Variants in ZC3H4 observed in about 807,000 individuals in gnomAD.
ZC3H4 encodes the protein zinc finger CCCH domain-containing protein 4.
A neutral mutation model predicts 108.3 loss-of-function variants in ZC3H4; 13 were observed. The observed-to-expected ratio is 0.12, with a 90% confidence interval of 0.08 to 0.19. The LOEUF is 0.19. Among genes scored for constraint, ZC3H4 ranks in the 10% least tolerant of loss-of-function variants. The probability of loss-of-function intolerance (pLI) is 1.00; values close to 1 mark genes in which losing one functional copy is unlikely to be tolerated. For missense variants in ZC3H4, 1,734 were observed against 1,838.8 expected (o/e 0.94, Z 1.04); for synonymous variants, 917 against 749.6 (o/e 1.22, Z -3.65).
At chr19:47,103,077 G>C (rs560886687) in intron 2 of ZC3H4, among the ~76,000 whole-genome samples, 1 of 152,126 alleles carries the variant, frequency 6.6e-6, no homozygotes, top group Non-Finnish European at 1.5e-5. Context: ...GCATTCTTGA[G>C]CAAAGGTATC....
chr19:47,067,141 A>G lies in ZC3H4; in HGVS notation c.3127T>C (p.Phe1043Leu). The G allele has an allele frequency of 6.2e-7, 1 of 1,611,942 alleles. No individual in the cohort carries two copies. Among genetic ancestry groups the G allele is most frequent in the Non-Finnish European group, 8.5e-7 (1 of 1,178,906 alleles). The change falls in exon 15 of 15, where the codon TTT (phenylalanine) becomes CTT (leucine). Residue 1043 changes from phenylalanine (F) to leucine (L), a missense_variant. This residue lies in a region of ZC3H4 where 518 missense variants were observed against 499.6 expected (regional missense o/e 1.04). Coordinates refer to ENST00000253048, the MANE Select transcript of ZC3H4 (RefSeq NM_015168.2). The surrounding 1 kb of genome is among the most constrained non-coding windows in gnomAD (Gnocchi z 6.4). ...TTGAGGATGCGAGACAGAAGTTCAA[A>G]GTCGGGGAGGTTGGCGCCCTGTGTG... ...SSTQGANLPD[F>L]ELLSRILKTV... is the part of the protein sequence containing the mutation.
At chr19:47,103,571 A>T (rs1416082063) in intron 2 of ZC3H4, among the ~76,000 whole-genome samples, 2 of 151,900 alleles carry the variant, frequency 1.3e-5, no homozygotes, top group Non-Finnish European at 2.9e-5. Flanking sequence ...ATCACTTGAG[A>T]TCAGGAGTTC....
rs540627468 is a variant in ZC3H4 at position 47,072,950 on chromosome 19, A to G, written c.1441-237T>C. ...ATTCCTGCTCTATGGCAAAATACAC[A>G]TAACAAAGCATACTGTTTAACCATT... On this transcript the variant is annotated intron_variant, in intron 11 of 14. Coordinates refer to ENST00000253048, the MANE Select transcript of ZC3H4 (RefSeq NM_015168.2). This position sits in a 1 kb window ranked among gnomAD's most constrained non-coding sequence, Gnocchi z 5.6. Among the ~76,000 whole-genome samples, 24 of 152,258 alleles carry G rather than the reference A, an allele frequency of 1.6e-4. No homozygotes were observed. Among genetic ancestry groups the G allele is most frequent in the Non-Finnish European group, 2.5e-4 (17 of 68,018 alleles).
At chr19:47,076,854 G>A (rs964185465) in intron 11 of ZC3H4, among the ~76,000 whole-genome samples, 138 of 152,186 alleles carry the variant, frequency 9.1e-4, no homozygotes, top group African/African-American at 2.8e-3. Context: ...TTAGCCGGGC[G>A]TGGTGGCACA....
intron 13 of ZC3H4, among the ~76,000 whole-genome samples, chr19:47,071,418 G>A (rs1223453101): frequency 1.3e-5 from 2 of 152,152 alleles, no homozygotes; most frequent in East Asian, 1.9e-4. Context: ...GCTCCAAGCC[G>A]AGAACTGCCC....
At chr19:47,088,715 T>A (rs1671569183) in intron 5 of ZC3H4, among the ~76,000 whole-genome samples, 2 of 151,724 alleles carry the variant, frequency 1.3e-5, no homozygotes, top group Non-Finnish European at 2.9e-5. Context: ...GGCCTCCAAC[T>A]CCCGGGCTCA....
In ZC3H4 at chr19:47,067,607, G is replaced by C; in HGVS notation, c.2661C>G (p.Pro887=). ...SGGSGPGDSG[P]SDPRLARALP... is the part of the protein sequence containing the mutation. ...GGGCGCGAGCCAGCCGAGGATCGGAGGGTCCCGAATCACCTGGGCCAGACC... is the reference window on the plus strand; with the variant it reads ...GGGCGCGAGCCAGCCGAGGATCGGACGGTCCCGAATCACCTGGGCCAGACC... The change falls in exon 15 of 15, where the codon CCC becomes CCG. Residue 887 remains proline (P), a synonymous_variant. Coordinates refer to ENST00000253048, the MANE Select transcript of ZC3H4 (RefSeq NM_015168.2). The surrounding 1 kb of genome is among the most constrained non-coding windows in gnomAD (Gnocchi z 6.4). 6.2e-7 allele frequency: 1 copy of C among 1,606,554 alleles called. No individual in the cohort carries two copies. The highest frequency in any genetic ancestry group is 8.5e-7 in the Non-Finnish European group (1 of 1,178,004).
intron 2 of ZC3H4, among the ~76,000 whole-genome samples, chr19:47,104,817 T>C (rs1303793394): frequency 1.3e-5 from 2 of 152,006 alleles, no homozygotes; most frequent in Non-Finnish European, 1.5e-5. Flanking sequence ...GTTAGGAAAA[T>C]GAGGAGGGCA....
intron 13 of ZC3H4, among the ~76,000 whole-genome samples, chr19:47,070,872 T>C (rs1293129328): frequency 2.0e-5 from 3 of 152,176 alleles, no homozygotes; most frequent in African/African-American, 7.2e-5. Context: ...GGGCTCCCAC[T>C]GCCCCACGGC....
In ZC3H4 at chr19:47,067,565, G is replaced by A. The variant is rs748454809; in HGVS notation, c.2703C>T (p.Pro901=). 119 of 1,602,828 alleles carry A rather than the reference G, an allele frequency of 7.4e-5. No homozygotes were observed. The highest frequency in any genetic ancestry group is 3.3e-4 in the Middle Eastern group (2 of 6,002). ...CAGGGCTGGAATGAAGGCTGCCTTC[G>A]GGCTTGGAGGTGGGCAGGGCGCGAG... ...RLARALPTSK[P]EGSLHSSPVG... Residue 901 remains proline (P), a synonymous_variant, in exon 15 of 15, where the codon CCC becomes CCT. Transcript: ENST00000253048. The surrounding 1 kb of genome is among the most constrained non-coding windows in gnomAD (Gnocchi z 6.4).
At chr19:47,095,419 G>C (rs557990320) in intron 2 of ZC3H4, among the ~76,000 whole-genome samples, 1 of 152,200 alleles carries the variant, frequency 6.6e-6, no homozygotes. Context: ...GCTGGAGGAG[G>C]GGGGACGGAT....
Position 47,067,419 on chromosome 19 carries a change from C to G in ZC3H4, c.2849G>C (p.Arg950Pro). 1 of 1,606,720 alleles carries G rather than the reference C, an allele frequency of 6.2e-7. No homozygotes were observed. The highest frequency in any genetic ancestry group is 1.1e-5 in the South Asian group (1 of 90,198). ...CTGCTGCAGCTGTGACCGTGGGTCC[C>G]GCAGAGGGTGCCCGGGGAGTGGGTC... The part of the protein sequence containing the change: ...PLDPLPGHPL[R>P]DPRSQLQQFS... Residue 950 changes from arginine to proline, a missense_variant, in exon 15 of 15, where the codon CGG (arginine) becomes CCG (proline). By Grantham distance (103) the Arg-to-Pro change is moderately radical. Transcript: ENST00000253048. The surrounding 1 kb of genome is among the most constrained non-coding windows in gnomAD (Gnocchi z 6.4).
Position 47,066,874 on chromosome 19 carries a change from C to T in ZC3H4, c.3394G>A (p.Gly1132Ser), listed in dbSNP as rs770182574. 5.0e-6 allele frequency: 8 copies of T among 1,598,516 alleles called. No homozygotes were observed. The highest frequency in any genetic ancestry group is 1.3e-5 in the African/African-American group (1 of 74,898). ...DPRVLAAGGL[G>S]QGGGGGQSSV... The stretch of plus-strand genomic sequence containing the variant: ...CTCTGCCCGCCCCCTCCGCCCTGGC[C>T]CAGTCCACCGGCCGCCAGCACGCGG... Residue 1132 changes from glycine to serine, a missense_variant, in exon 15 of 15, where the codon GGC becomes AGC. Around this residue, in one of 9 missense-constraint regions of ZC3H4, gnomAD observed 518 missense variants for 499.6 expected, o/e 1.04. Transcript: ENST00000253048.
At chr19:47,108,813 G>GGA (rs2123109094) in intron 2 of ZC3H4, among the ~76,000 whole-genome samples, 1 of 152,240 alleles carries the variant, frequency 6.6e-6, no homozygotes, top group South Asian at 2.1e-4. Context: ...TGTACCTGGG[G>GGA]GAGAGGACAG....
In ZC3H4 at chr19:47,112,266, G is replaced by A. The variant is rs147189187; in HGVS notation, c.161+158C>T. 7,181 of 1,135,200 alleles carry A rather than the reference G, an allele frequency of 6.3e-3. 30 individuals carry two copies. The highest frequency in any genetic ancestry group is 7.4e-3 in the Non-Finnish European group (6,635 of 899,886). 70.3% of individuals were successfully genotyped at this position (1,135,200 alleles called of 1,614,324 possible). A position where few individuals can be genotyped will look rare whatever the true frequency, so the allele number is the denominator to read the frequency against. On this transcript the variant is annotated intron_variant, in intron 2 of 14. Transcript: ENST00000253048. Reference sequence around the variant, plus strand: ...AGAAAGCAAGCGAGAAAGAGCGAGCGAGCAAGCGATCGAGAGACACCCACC... The same window carrying A: ...AGAAAGCAAGCGAGAAAGAGCGAGCAAGCAAGCGATCGAGAGACACCCACC...
chr19:47,093,708 C>T, intron 4 of ZC3H4: 1 of 352,716 alleles, frequency 2.8e-6, no homozygotes. Flanking sequence ...CTTCTCACCT[C>T]TGCCTCCTGA....
At chr19:47,085,528 C>A in intron 6 of ZC3H4, 114 bp from the exon 7 acceptor site, 1 of 942,114 alleles carries the variant, frequency 1.1e-6, no homozygotes, top group Non-Finnish European at 1.6e-6. Flanking sequence ...GGACTCATAC[C>A]ATAACCCGTT....
At chr19:47,105,887 A>C (rs910047362) in intron 2 of ZC3H4, among the ~76,000 whole-genome samples, 1 of 152,128 alleles carries the variant, frequency 6.6e-6, no homozygotes, top group Non-Finnish European at 1.5e-5. Flanking sequence ...GCTATACCCC[A>C]CAGTCTGAAA....
At chr19:47,082,791 G>A (rs1325053339) in intron 9 of ZC3H4, among the ~76,000 whole-genome samples, 3 of 152,162 alleles carry the variant, frequency 2.0e-5, no homozygotes, top group Non-Finnish European at 2.9e-5. Context: ...TGACCACTGC[G>A]CTGCCAGCTA....
Sources: gnomAD v4.1 joint callset for allele counts (sites outside exome capture counted in the v4.1 genomes callset) on GRCh38, gnomAD v4.1.1 for gene constraint, gnomAD v4.1.1 regional missense constraint, Gnocchi (gnomAD v3.1) non-coding constraint, MANE v1.5 for transcripts, NCBI Gene and HGNC (gene_info 2026-07-23, HGNC 2026-07-21) for gene names.